The following ITFG2 variants were observed in gnomAD, a reference collection of about 807,000 sequenced individuals.
The protein encoded by ITFG2 is KICSTOR complex protein ITFG2.
Under a neutral mutation model 54.4 loss-of-function variants are expected in ITFG2, and 36 were observed. The observed-to-expected ratio is 0.66, with a 90% CI of 0.51 to 0.87. ITFG2 has a LOEUF of 0.87. Ranked by LOEUF, ITFG2 falls within the 40% of genes least tolerant of loss-of-function variation. ITFG2 has a pLI of 0.00. For synonymous variants in ITFG2, 211 were observed against 225.4 expected, an observed-to-expected ratio of 0.94 and a Z score of 0.57; for missense variants, 524 against 576.7, an observed-to-expected ratio of 0.91 and a Z score of 0.94.
chr12:2,855,829 C>G (rs1238441700), intron 2 of ITFG2, among the ~76,000 whole-genome samples: 1 of 152,154 alleles, frequency 6.6e-6, no homozygotes, highest in Non-Finnish European at 1.5e-5. Flanking sequence ...AAGGGAAATG[C>G]TCCCTACCAT....
chr12:2,849,081 G>T, intron 2 of ITFG2: 1 of 734,958 alleles, frequency 1.4e-6, no homozygotes, highest in Non-Finnish European at 2.2e-6. Flanking sequence ...GGGTACAGAG[G>T]TGGCTTGAGG....
intron 2 of ITFG2, chr12:2,849,272 A>T (rs2098062361): frequency 6.5e-7 from 1 of 1,535,632 alleles, no homozygotes. Context: ...CTTGCTGGGG[A>T]TTTGCTTGCT....
downstream of ITFG2, among the ~76,000 whole-genome samples, chr12:2,829,855 A>G (rs1244840390): frequency 8.3e-6 from 1 of 120,146 alleles, no homozygotes; most frequent in Non-Finnish European, 1.7e-5. Flanking sequence ...AGGTGGATGG[A>G]TCACCTGAGG....
chr12:2,833,746 T>C (rs533734792), upstream of ITFG2, among the ~76,000 whole-genome samples: 5 of 152,160 alleles, frequency 3.3e-5, no homozygotes, highest in African/African-American at 1.2e-4. Flanking sequence ...AATAATAGCA[T>C]TTAGATAGTG....
At chr12:2,854,925 G>A (rs975348407) in intron 2 of ITFG2, 1 of 1,535,960 alleles carries the variant, frequency 6.5e-7, no homozygotes, top group Non-Finnish European at 8.7e-7. Context: ...GCTGGATGTT[G>A]CCCTGGGCAT....
At chr12:2,855,293 T>C in intron 2 of ITFG2, 3 of 1,524,330 alleles carry the variant, frequency 2.0e-6, no homozygotes, top group Non-Finnish European at 2.6e-6. Flanking sequence ...TGACGCACCT[T>C]GGACTTCATA....
rs930975805 is a variant in ITFG2, at chr12:2,855,352, G to T, written n.301-2660G>T. The T allele has an allele frequency of 4.3e-6, 6 of 1,387,542 alleles. No homozygotes were observed. The African/African-American group carries it at 4.4e-5, about 10-fold the overall frequency. 86.0% of individuals were successfully genotyped at this position (1,387,542 alleles called of 1,614,324 possible). On this transcript the variant is annotated intron_variant and non_coding_transcript_variant, in intron 2 of 3. Transcript: ENST00000537710. The stretch of plus-strand genomic sequence containing the variant: ...AGCCAGCTGGTGGTAGGCTTGCCGG[G>T]TGAAGCCAGGGAACTCCCAGGACTC...
At chr12:2,859,133 C>T (rs765766328) in intron 3 of ITFG2, 2 of 1,606,122 alleles carry the variant, frequency 1.2e-6, no homozygotes, top group Non-Finnish European at 8.5e-7. Context: ...TAATGGGTGT[C>T]TTAAAAGGTC....
intron 6 of ITFG2, 131 bp from the exon 7 acceptor site, chr12:2,821,131 C>T (rs2097942705): frequency 2.6e-6 from 2 of 781,054 alleles, no homozygotes; most frequent in Non-Finnish European, 4.2e-6. Flanking sequence ...CCACATGGGC[C>T]AGATAGGGTC....
upstream of ITFG2, among the ~76,000 whole-genome samples, chr12:2,833,746 T>A (rs533734792): frequency 8.5e-5 from 13 of 152,278 alleles, no homozygotes; most frequent in South Asian, 2.1e-4. Context: ...AATAATAGCA[T>A]TTAGATAGTG....
At chr12:2,813,388 T>G (rs550743731) in intron 1 of ITFG2, among the ~76,000 whole-genome samples, 172 of 152,236 alleles carry the variant, frequency 1.1e-3, no homozygotes, top group African/African-American at 3.8e-3. Flanking sequence ...GGTGGTGGTG[T>G]TAGTATTTTA....
chr12:2,848,720 A>G (rs1181718037), intron 2 of ITFG2, among the ~76,000 whole-genome samples: 1 of 152,182 alleles, frequency 6.6e-6, no homozygotes, highest in East Asian at 1.9e-4. Context: ...CAAATGGTCC[A>G]GGGAGGGGGT....
chr12:2,828,490 C>G (rs1296278848), downstream of ITFG2: 2 of 1,099,208 alleles, frequency 1.8e-6, no homozygotes, highest in African/African-American at 1.6e-5. Flanking sequence ...AGTTTCCCAG[C>G]CCATTGATGA....
rs201077182 is a variant in ITFG2 at position 2,849,525 on chromosome 12, C to A, written n.301-8487C>A. Reference sequence around the variant, plus strand: ...TCCCACCAGCGGATATGTGCCGGTACCTGTTGGGAGAAGGGTATGGAGAGA... The same window carrying A: ...TCCCACCAGCGGATATGTGCCGGTAACTGTTGGGAGAAGGGTATGGAGAGA... On this transcript the variant is annotated intron_variant and non_coding_transcript_variant, in intron 2 of 3. Coordinates refer to the ITFG2 transcript ENST00000537710. The A allele has an allele frequency of 1.2e-4, 185 of 1,535,974 alleles. No homozygotes were observed. The Middle Eastern group carries it at 3.0e-3, about 25-fold the overall frequency.
downstream of ITFG2, among the ~76,000 whole-genome samples, chr12:2,830,061 AGCGAGACTCT>A (rs1219329874): frequency 6.6e-6 from 1 of 151,968 alleles, no homozygotes; most frequent in Non-Finnish European, 1.5e-5. Context: ...TGGGTGACAG[AGCGAGACTCT>A]GTCTCAAAAA....
At chr12:2,821,167 A>T in intron 6 of ITFG2, 95 bp from the exon 7 acceptor site, 1 of 1,018,828 alleles carries the variant, frequency 9.8e-7, no homozygotes. Flanking sequence ...AGCTGATTCA[A>T]ATCCCAGAAG....
chr12:2,822,727 C>T (rs987983887), intron 9 of ITFG2, 67 bp from the exon 10 acceptor site: 13 of 1,350,816 alleles, frequency 9.6e-6, no homozygotes, highest in African/African-American at 4.3e-5. Flanking sequence ...CTCCCCAGCT[C>T]GCTGTTTGTC....
chr12:2,855,408 C>T (rs868228673), intron 2 of ITFG2: 16 of 403,478 alleles, frequency 4.0e-5, no homozygotes, highest in Middle Eastern at 5.3e-4. Flanking sequence ...GCTGAGCCCA[C>T]GTTTGGGAGG....
chr12:2,834,097 T>C (rs1004177021), upstream of ITFG2, among the ~76,000 whole-genome samples: 1 of 152,194 alleles, frequency 6.6e-6, no homozygotes, highest in African/African-American at 2.4e-5. Flanking sequence ...GGAAGGTCCA[T>C]TCCACTCAGG....
Sources: allele counts gnomAD v4.1 joint callset (sites outside exome capture counted in the v4.1 genomes callset), GRCh38; gene constraint gnomAD v4.1.1; transcripts MANE v1.5; gene names NCBI Gene and HGNC (gene_info 2026-07-23, HGNC 2026-07-21).